SLC4A9: variants seen among roughly 807,000 people sequenced by gnomAD.
The protein encoded by SLC4A9 is anion exchange protein 4.
SLC4A9 carries 102 observed loss-of-function variants against 103.2 expected under a neutral mutation model. The ratio of observed to expected loss-of-function variants is 0.99; its 90% CI spans 0.84 to 1.17. The LOEUF is 1.17. Ranked by LOEUF, SLC4A9 falls within the 50% of genes most tolerant of loss-of-function variation. The probability of loss-of-function intolerance (pLI) is 0.00; values close to 1 mark genes in which losing one functional copy is unlikely to be tolerated. For missense variants in SLC4A9, 1,091 were observed against 1,193.7 expected (o/e 0.91, Z 1.27); for synonymous variants, 453 against 483.6 (o/e 0.94, Z 0.83).
chr5:140,360,442 C>T lies in SLC4A9; in HGVS notation c.206C>T (p.Ala69Val), dbSNP rs187685311. The T allele has an allele frequency of 7.5e-5, 119 of 1,584,908 alleles. No homozygotes were observed. The highest frequency in any genetic ancestry group is 3.5e-4 in the East Asian group (15 of 43,294). Reference sequence around the variant, plus strand: ...AATGAGCTGCTGGGCTGGCCCCAGGCGCTGGAGTGGAGAGAGACAGGCAGG... The same window carrying T: ...AATGAGCTGCTGGGCTGGCCCCAGGTGCTGGAGTGGAGAGAGACAGGCAGG... ...QLNELLGWPQ[A>V]LEWRETGRWV... is the part of the protein sequence containing the mutation. The change falls in exon 1 of 22, where the codon GCG becomes GTG. Residue 69 changes from alanine to valine, a missense_variant. Coordinates refer to ENST00000506757, the MANE Select transcript of SLC4A9 (RefSeq NM_031467.3).
Position 140,360,804 on chromosome 5 carries a change from C to G in SLC4A9, c.231-8C>G. On this transcript the variant is annotated splice_region_variant and splice_polypyrimidine_tract_variant and intron_variant, in intron 1 of 21. Transcript: ENST00000506757. ...CTCAATAACACTGTCTACCCACCTTCATCACAGGTGGGTACTGTTTGAGGA... is the reference window on the plus strand; with the variant it reads ...CTCAATAACACTGTCTACCCACCTTGATCACAGGTGGGTACTGTTTGAGGA... 2 of 1,613,498 alleles carry G rather than the reference C, an allele frequency of 1.2e-6. No homozygotes were observed. The highest frequency in any genetic ancestry group is 2.7e-5 in the African/African-American group (2 of 75,040).
chr5:140,370,833 G>A (rs766980586), intron 17 of SLC4A9: 9 of 481,262 alleles, frequency 1.9e-5, no homozygotes, highest in Non-Finnish European at 3.0e-5. Flanking sequence ...GATTGGAATG[G>A]TAGGCCAGGT....
Position 140,367,932 on chromosome 5 carries a change from T to G in SLC4A9, c.2354+34T>G, listed in dbSNP as rs375488141. 4.7e-5 allele frequency: 75 copies of G among 1,610,172 alleles called. No individual in the cohort carries two copies. The African/African-American group carries it at 8.0e-4, about 17-fold the overall frequency. ...GGTATTTAGGAAGTGGAGTAAGAGGTGGGCAGCAAGGTAAGGCAAAGGGGA... is the reference window on the plus strand; with the variant it reads ...GGTATTTAGGAAGTGGAGTAAGAGGGGGGCAGCAAGGTAAGGCAAAGGGGA... On this transcript the variant is annotated intron_variant, in intron 16 of 21. Transcript: ENST00000506757.
intron 16 of SLC4A9, 23 bp from the exon 17 acceptor site, chr5:140,368,564 C>CT (rs1423202457): frequency 6.2e-7 from 1 of 1,608,898 alleles, no homozygotes; most frequent in South Asian, 1.1e-5. Flanking sequence ...CAGACCTCAG[C>CT]TAACTCCTCC....
Position 140,360,486 on chromosome 5 carries a change from G to A in SLC4A9, c.230+20G>A. 9 of 1,550,314 alleles carry A rather than the reference G, an allele frequency of 5.8e-6. No individual in the cohort carries two copies. Among genetic ancestry groups the A allele is most frequent in the Non-Finnish European group, 7.9e-6 (9 of 1,144,370 alleles). On this transcript the variant is annotated intron_variant, in intron 1 of 21. Coordinates refer to ENST00000506757, the MANE Select transcript of SLC4A9 (RefSeq NM_031467.3). The stretch of plus-strand genomic sequence containing the variant: ...AGGCAGGTAAGTTGGATGCAGGCCA[G>A]TTCTGTGGGATCCTTCCCCTTCCCC...
At chr5:140,371,895 G>A (rs1336909026) in intron 19 of SLC4A9, among the ~76,000 whole-genome samples, 1 of 152,224 alleles carries the variant, frequency 6.6e-6, no homozygotes, top group Non-Finnish European at 1.5e-5. Context: ...CTGAGGTCTT[G>A]GTAGAGGAAA....
chr5:140,364,914 C>T (rs968819659), intron 11 of SLC4A9, among the ~76,000 whole-genome samples: 2 of 152,188 alleles, frequency 1.3e-5, no homozygotes, highest in Non-Finnish European at 2.9e-5. Context: ...ACCCACCAGT[C>T]GTGGAAGCAC....
Position 140,367,513 on chromosome 5 carries a change from T to C in SLC4A9, c.2107T>C (p.Ser703Pro), listed in dbSNP as rs1768062742. The part of the protein sequence containing the change: ...VAAALPALLL[S>P]ILIFMDQQIT... The stretch of plus-strand genomic sequence containing the variant: ...AGCTGCCCTGCCTGCCCTGCTGCTG[T>C]CTATCCTCATCTTCATGGACCAACA... The change falls in exon 15 of 22, where the codon TCT becomes CCT. Residue 703 changes from serine to proline, a missense_variant. Ser to Pro is a moderately conservative substitution (Grantham distance 74). Coordinates refer to ENST00000506757, the MANE Select transcript of SLC4A9 (RefSeq NM_031467.3). The C allele has an allele frequency of 1.9e-6, 3 of 1,604,510 alleles. No homozygotes were observed. The highest frequency in any genetic ancestry group is 2.6e-6 in the Non-Finnish European group (3 of 1,175,836).
chr5:140,361,408 T>A (rs557802329), intron 3 of SLC4A9, 41 bp downstream of exon 3: 1 of 1,472,820 alleles, frequency 6.8e-7, no homozygotes, highest in South Asian at 1.2e-5. Flanking sequence ...GACCCTGGTG[T>A]GGCAGGGTCT....
Position 140,364,917 on chromosome 5 carries a change from G to A in SLC4A9, c.1651+292G>A, listed in dbSNP as rs1445712310. 2.0e-5 allele frequency among the ~76,000 whole-genome samples: 3 copies of A among 152,236 alleles called. No homozygotes were observed. In the East Asian group the frequency reaches 5.8e-4, roughly 29 times the overall value. On this transcript the variant is annotated intron_variant, in intron 11 of 21. Transcript: ENST00000506757. Reference sequence around the variant, plus strand: ...TTGAATAGACTTACCCACCAGTCGTGGAAGCACTGGTTTGAGACTATCTTA... The same window carrying A: ...TTGAATAGACTTACCCACCAGTCGTAGAAGCACTGGTTTGAGACTATCTTA...
intron 6 of SLC4A9, 68 bp from the exon 7 acceptor site, chr5:140,362,844 G>T (rs571512948): frequency 6.3e-7 from 1 of 1,590,196 alleles, no homozygotes; most frequent in East Asian, 2.2e-5. Flanking sequence ...GTCTAGTTTT[G>T]AGACTATGAA....
At position 140,366,196 on chromosome 5, in the gene SLC4A9, C is replaced by T. The variant is rs1256932102; in HGVS notation, c.1945C>T (p.Leu649Phe). 5.0e-6 allele frequency: 8 copies of T among 1,611,728 alleles called. No homozygotes were observed. The highest frequency in any genetic ancestry group is 1.7e-5 in the Admixed American group (1 of 59,384). Residue 649 changes from leucine (L) to phenylalanine (F), a missense_variant, in exon 14 of 22, where the codon CTC (leucine) becomes TTC (phenylalanine). Coordinates refer to ENST00000506757, the MANE Select transcript of SLC4A9 (RefSeq NM_031467.3). Reference sequence around the variant, plus strand: ...CTTCTCCTCAGTCCTGGCCATCCTGCTCGGCTGTGGCCTTGATGCTTTCCT... The same window carrying T: ...CTTCTCCTCAGTCCTGGCCATCCTGTTCGGCTGTGGCCTTGATGCTTTCCT... ...SDFSSVLAIL[L>F]GCGLDAFLGL...
At position 140,361,275 on chromosome 5, in the gene SLC4A9, C is replaced by T. The variant is rs749148498; in HGVS notation, c.413C>T (p.Ser138Leu). ...ELVEQVTRVE[S>L]LSPELRGQLQ... Reference sequence around the variant, plus strand: ...CCAGAGCAGGTGACCAGGGTGGAGTCGCTGAGCCCAGAGCTGAGAGGGCAG... The same window carrying T: ...CCAGAGCAGGTGACCAGGGTGGAGTTGCTGAGCCCAGAGCTGAGAGGGCAG... Residue 138 changes from serine (S) to leucine (L), a missense_variant, in exon 3 of 22, where the codon TCG becomes TTG. Transcript: ENST00000506757. 11 of 1,567,496 alleles carry T rather than the reference C, an allele frequency of 7.0e-6. No individual in the cohort carries two copies. Among genetic ancestry groups the T allele is most frequent in the South Asian group, 4.7e-5 (4 of 84,842 alleles).
chr5:140,360,354 C>T lies in SLC4A9; in HGVS notation c.118C>T (p.Pro40Ser). 1.2e-6 allele frequency: 2 copies of T among 1,610,844 alleles called. No individual in the cohort carries two copies. Among genetic ancestry groups the T allele is most frequent in the Non-Finnish European group, 8.5e-7 (1 of 1,178,520 alleles). ...TGGCACCGGCCCCAGCCCTGATGGC[C>T]CCTCAGACACAGAGAGCAAGGAACT... is the stretch of plus-strand genomic sequence containing the variant. ...DPGTGPSPDG[P>S]SDTESKELGV... The change falls in exon 1 of 22, where the codon CCC (proline) becomes TCC (serine). Residue 40 changes from proline to serine, a missense_variant. Physicochemically the swap from Pro to Ser is moderately conservative, Grantham distance 74. Transcript: ENST00000506757.
chr5:140,372,169 CAATAAGT>C (rs1484942789), intron 19 of SLC4A9, 66 bp from the exon 20 acceptor site: 2 of 1,342,572 alleles, frequency 1.5e-6, no homozygotes, highest in East Asian at 5.3e-5. Flanking sequence ...AGGAAGTGCT[CAATAAGT>C]GTTACTATTG....
rs1172078863 is a variant in SLC4A9, at chr5:140,363,455, C to T, written c.979C>T (p.Arg327Trp). 4 of 1,551,136 alleles carry T rather than the reference C, an allele frequency of 2.6e-6. No homozygotes were observed. Among genetic ancestry groups the T allele is most frequent in the Admixed American group, 2.0e-5 (1 of 50,978 alleles). The change falls in exon 8 of 22, where the codon CGG becomes TGG. Residue 327 changes from arginine (R) to tryptophan (W), a missense_variant. Physicochemically the swap from Arg to Trp is moderately radical, Grantham distance 101. Coordinates refer to ENST00000506757, the MANE Select transcript of SLC4A9 (RefSeq NM_031467.3). This position sits in a 1 kb window ranked among gnomAD's most constrained non-coding sequence, Gnocchi z 4.5. ...CCTCCTCAGGCTTCCCTCGCAACAG[C>T]GGGAGATCAGAGGTCCCGCCGTCCC... ...SQHKRLPSQQ[R>W]EIRGPAVPRL...
chr5:140,368,561 C>A, intron 16 of SLC4A9, 26 bp from the exon 17 acceptor site: 1 of 1,607,588 alleles, frequency 6.2e-7, no homozygotes, highest in Non-Finnish European at 8.5e-7. Context: ...TCCCAGACCT[C>A]AGCTAACTCC....
intron 17 of SLC4A9, 25 bp downstream of exon 17, chr5:140,368,684 T>C (rs1419092173): frequency 1.2e-6 from 2 of 1,601,522 alleles, no homozygotes; most frequent in African/African-American, 2.7e-5. Flanking sequence ...CAAGCCAGGA[T>C]CAGGGTCAGT....
chr5:140,365,373 G>C (rs78057110), intron 11 of SLC4A9, 147 bp from the exon 12 acceptor site: 3 of 656,864 alleles, frequency 4.6e-6, no homozygotes, highest in Non-Finnish European at 8.1e-6. Flanking sequence ...TGTCCTTCTC[G>C]CACACTTGGT....
Sources: gnomAD v4.1 joint callset for allele counts (sites outside exome capture counted in the v4.1 genomes callset) on GRCh38, gnomAD v4.1.1 for gene constraint, Gnocchi (gnomAD v3.1) non-coding constraint, MANE v1.5 for transcripts, NCBI Gene and HGNC (gene_info 2026-07-23, HGNC 2026-07-21) for gene names.